PRLR: variants seen among roughly 807,000 people sequenced by gnomAD.
PRLR encodes hPRL receptor.
A neutral mutation model predicts 40.2 loss-of-function variants in PRLR; 13 were observed. That is an observed-to-expected ratio of 0.32 (90% CI 0.21 to 0.51). The LOEUF is 0.51. Among genes scored for constraint, PRLR ranks in the 20% least tolerant of loss-of-function variants. The probability of loss-of-function intolerance (pLI) is 0.97; values close to 1 mark genes in which losing one functional copy is unlikely to be tolerated. For synonymous variants in PRLR, 269 were observed against 278.7 expected (o/e 0.97, Z 0.35); for missense variants, 656 against 747.3 (o/e 0.88, Z 1.42).
intron 1 of PRLR, among the ~76,000 whole-genome samples, chr5:35,143,595 C>G (rs1223293933): frequency 6.6e-6 from 1 of 152,170 alleles, no homozygotes; most frequent in African/African-American, 2.4e-5. Flanking sequence ...TCATTGTCCT[C>G]TCACCTAAAT....
exon 9 of PRLR, chr5:35,049,375 T>C: frequency 1.4e-6 from 1 of 703,056 alleles, no homozygotes; most frequent in East Asian, 2.7e-5. Flanking sequence ...TTTGAGATTT[T>C]TGTAATGAGA....
chr5:35,230,000 T>G (rs1231916401), intron 1 of PRLR, among the ~76,000 whole-genome samples: 1 of 152,178 alleles, frequency 6.6e-6, no homozygotes, highest in Non-Finnish European at 1.5e-5. Flanking sequence ...AAGCTGGGGT[T>G]GGGGGCAGTG....
chr5:35,115,932 C>T (rs181170562), intron 2 of PRLR, among the ~76,000 whole-genome samples: 4 of 152,194 alleles, frequency 2.6e-5, no homozygotes, highest in South Asian at 2.1e-4. Flanking sequence ...AGGGTCCCCC[C>T]CTCTGAATTC....
At chr5:35,170,781 A>G (rs1579759962) in intron 1 of PRLR, among the ~76,000 whole-genome samples, 1 of 152,254 alleles carries the variant, frequency 6.6e-6, no homozygotes, top group South Asian at 2.1e-4. Flanking sequence ...AATATGCCCT[A>G]AAACATCTAT....
chr5:35,055,364 T>C (rs1467441197), downstream of PRLR, among the ~76,000 whole-genome samples: 1 of 152,176 alleles, frequency 6.6e-6, no homozygotes, highest in Non-Finnish European at 1.5e-5. Flanking sequence ...CAAGCATGCT[T>C]GCATTTTTAA....
At chr5:35,202,334 A>C (rs1338820447) in intron 1 of PRLR, among the ~76,000 whole-genome samples, 2 of 152,210 alleles carry the variant, frequency 1.3e-5, no homozygotes, top group Non-Finnish European at 2.9e-5. Flanking sequence ...CGTTCAGCAC[A>C]GTATTCAAGG....
chr5:35,197,105 A>C (rs996353809), intron 1 of PRLR, among the ~76,000 whole-genome samples: 1 of 152,226 alleles, frequency 6.6e-6, no homozygotes. Context: ...AGGTTCTTGG[A>C]AACCACTTTC....
At chr5:35,147,246 C>T (rs1246816459) in intron 1 of PRLR, among the ~76,000 whole-genome samples, 1 of 152,290 alleles carries the variant, frequency 6.6e-6, no homozygotes, top group African/African-American at 2.4e-5. Context: ...ACTGAAATCT[C>T]CCTGAGATTT....
At chr5:35,132,488 T>C (rs2111782293) in intron 1 of PRLR, among the ~76,000 whole-genome samples, 1 of 152,386 alleles carries the variant, frequency 6.6e-6, no homozygotes, top group East Asian at 1.9e-4. Flanking sequence ...ATGACCATAT[T>C]CTTATGTAAC....
At chr5:35,161,985 C>T (rs2111908613) in intron 1 of PRLR, among the ~76,000 whole-genome samples, 1 of 152,284 alleles carries the variant, frequency 6.6e-6, no homozygotes, top group South Asian at 2.1e-4. Flanking sequence ...TTTTCCAAGG[C>T]TTTAAAAAAC....
intron 2 of PRLR, among the ~76,000 whole-genome samples, chr5:35,090,036 A>G (rs7727736): frequency 6.6e-6 from 1 of 152,158 alleles, no homozygotes; most frequent in African/African-American, 2.4e-5. Context: ...GGAGAATCCT[A>G]CGAGGGCTCT....
intron 4 of PRLR, among the ~76,000 whole-genome samples, chr5:35,085,792 G>T (rs1770811600): frequency 6.6e-6 from 1 of 152,138 alleles, no homozygotes; most frequent in Non-Finnish European, 1.5e-5. Flanking sequence ...ACTTCTATGG[G>T]GCCTCAGGCT....
chr5:35,109,343 C>T (rs1772490788), intron 2 of PRLR, among the ~76,000 whole-genome samples: 1 of 152,078 alleles, frequency 6.6e-6, no homozygotes, highest in South Asian at 2.1e-4. Context: ...AAAGCAACGG[C>T]AACAAAAGCC....
chr5:35,096,226 G>A (rs572165623), intron 2 of PRLR, among the ~76,000 whole-genome samples: 112 of 152,292 alleles, frequency 7.4e-4, no homozygotes, highest in African/African-American at 2.5e-3. Flanking sequence ...ACAGAACACC[G>A]ATGCTTCCCC....
chr5:35,084,099 G>A (rs1436050134), intron 5 of PRLR, among the ~76,000 whole-genome samples: 1 of 152,164 alleles, frequency 6.6e-6, no homozygotes, highest in Non-Finnish European at 1.5e-5. Flanking sequence ...TCTTCATGGA[G>A]CAGCTCTGTC....
intron 1 of PRLR, among the ~76,000 whole-genome samples, chr5:35,154,579 G>A (rs1223799267): frequency 6.6e-6 from 1 of 152,112 alleles, no homozygotes; most frequent in African/African-American, 2.4e-5. Context: ...AAGACAGTGT[G>A]GCAATTCCTC....
chr5:35,177,601 A>G (rs886247005), intron 1 of PRLR, among the ~76,000 whole-genome samples: 2 of 152,020 alleles, frequency 1.3e-5, no homozygotes, highest in Admixed American at 6.6e-5. Context: ...ACTTACCATA[A>G]CATTTTTGAG....
chr5:35,115,461 G>C (rs1772955004), intron 2 of PRLR, among the ~76,000 whole-genome samples: 1 of 152,078 alleles, frequency 6.6e-6, no homozygotes, highest in Admixed American at 6.5e-5. Flanking sequence ...TAACAGGTAA[G>C]TGGTGGGGAA....
intron 5 of PRLR, among the ~76,000 whole-genome samples, chr5:35,077,693 A>G (rs1403229506): frequency 1.3e-5 from 2 of 152,226 alleles, no homozygotes; most frequent in Admixed American, 6.5e-5. Flanking sequence ...TCAGCTCTGC[A>G]CCAAGCGGAC....
Sources: allele counts gnomAD v4.1 joint callset (sites outside exome capture counted in the v4.1 genomes callset), GRCh38; gene constraint gnomAD v4.1.1; transcripts MANE v1.5; gene names NCBI Gene and HGNC (gene_info 2026-07-23, HGNC 2026-07-21).